Variants in ESRRG observed in about 807,000 individuals in gnomAD.
ESRRG encodes estrogen related receptor gamma.
A neutral mutation model predicts 44.0 loss-of-function variants in ESRRG; 13 were observed. That is an observed-to-expected ratio of 0.30 (90% CI 0.19 to 0.47). The LOEUF (loss-of-function observed/expected upper bound fraction) is 0.47, where lower values mean the gene tolerates loss of function less well. ESRRG is among the 20% of genes least tolerant of loss of function. The probability of loss-of-function intolerance (pLI) is 1.00; values close to 1 mark genes in which losing one functional copy is unlikely to be tolerated. For missense variants in ESRRG, 395 were observed against 580.6 expected (o/e 0.68, Z 3.29); for synonymous variants, 215 against 214.6 (o/e 1.00, Z -0.02).
chr1:216,842,650 A>G (rs1281331838), intron 2 of ESRRG, among the ~76,000 whole-genome samples: 1 of 152,212 alleles, frequency 6.6e-6, no homozygotes, highest in Non-Finnish European at 1.5e-5. Flanking sequence ...GTGGTATGTG[A>G]CATGCTTCTA....
At chr1:216,694,577 GAC>G (rs1320171056) in intron 1 of ESRRG, among the ~76,000 whole-genome samples, 2 of 147,650 alleles carry the variant, frequency 1.4e-5, no homozygotes, top group Non-Finnish European at 3.0e-5. Flanking sequence ...TTATTTTTTT[GAC>G]ACAGTCTCGA....
At chr1:216,634,683 G>C (rs1032389527) in intron 3 of ESRRG, among the ~76,000 whole-genome samples, 1 of 152,130 alleles carries the variant, frequency 6.6e-6, no homozygotes, top group Non-Finnish European at 1.5e-5. Context: ...GACTGCCCAG[G>C]GGGGACAGTC....
chr1:217,022,384 A>G (rs1429351145), intron 1 of ESRRG, among the ~76,000 whole-genome samples: 6 of 152,224 alleles, frequency 3.9e-5, no homozygotes, highest in African/African-American at 1.4e-4. Flanking sequence ...AGGGCCATTC[A>G]GAGAACTTGA....
Position 216,697,035 on chromosome 1 carries a change from G to A in ESRRG, c.57-19544C>T, listed in dbSNP as rs145313762. On this transcript the variant is annotated intron_variant, in intron 1 of 6. Coordinates refer to ENST00000408911, the MANE Select transcript of ESRRG (RefSeq NM_001438.4). ...GGCCAGAGTGCAGTGGCATGATCCT[G>A]GCTCACTGCAACATCCACCTCCCGG... Among the ~76,000 whole-genome samples the A allele has an allele frequency of 4.1e-3, 623 of 151,354 alleles. 10 individuals are homozygous for A. Among genetic ancestry groups the A allele is most frequent in the African/African-American group, 0.015 (601 of 41,224 alleles).
chr1:216,725,823 G>A (rs1383903708), upstream of ESRRG, among the ~76,000 whole-genome samples: 3 of 152,052 alleles, frequency 2.0e-5, no homozygotes, highest in South Asian at 2.1e-4. Flanking sequence ...ATTTTGCACC[G>A]GTGCAGAATC....
At chr1:216,937,829 C>T (rs753560329) in intron 2 of ESRRG, among the ~76,000 whole-genome samples, 1 of 152,092 alleles carries the variant, frequency 6.6e-6, no homozygotes, top group Non-Finnish European at 1.5e-5. Context: ...CAAAGCAAAC[C>T]TCACTTTTAC....
chr1:216,732,668 G>A (rs1330281902), intron 2 of ESRRG, among the ~76,000 whole-genome samples: 1 of 151,924 alleles, frequency 6.6e-6, no homozygotes, highest in African/African-American at 2.4e-5. Flanking sequence ...ACTGGGCATG[G>A]TGGCGTGCAC....
At chr1:216,998,289 C>T (rs2076614142) in intron 1 of ESRRG, among the ~76,000 whole-genome samples, 2 of 152,286 alleles carry the variant, frequency 1.3e-5, no homozygotes, top group South Asian at 4.2e-4. Context: ...TGATTCTCTA[C>T]TTCTTAAAGC....
intron 5 of ESRRG, among the ~76,000 whole-genome samples, chr1:216,539,381 A>G (rs1007139104): frequency 3.3e-5 from 5 of 151,968 alleles, no homozygotes; most frequent in African/African-American, 1.2e-4. Flanking sequence ...GTTGCTTAGT[A>G]TGGCCATTAA....
chr1:216,887,046 C>A lies in ESRRG; in HGVS notation c.-14+52536G>T, dbSNP rs180703664. On this transcript the variant is annotated intron_variant, in intron 2 of 7. Transcript: ENST00000359162. ...AGCCACGTCGCCCCGCCCCTTATAA[C>A]AACTGCTTTCATTCTTTGGGCAGTT... Among the ~76,000 whole-genome samples, 289 of 152,202 alleles carry A rather than the reference C, an allele frequency of 1.9e-3. 1 individual carries two copies. Among genetic ancestry groups the A allele is most frequent in the African/African-American group, 5.7e-3 (238 of 41,528 alleles).
chr1:216,953,936 A>C (rs1464920678), intron 1 of ESRRG, among the ~76,000 whole-genome samples: 1 of 152,076 alleles, frequency 6.6e-6, no homozygotes, highest in Admixed American at 6.6e-5. Flanking sequence ...AAAACATAAG[A>C]CTAGTAAGAA....
At chr1:216,884,195 A>G (rs1439811153) in intron 2 of ESRRG, among the ~76,000 whole-genome samples, 11 of 152,186 alleles carry the variant, frequency 7.2e-5, no homozygotes, top group Admixed American at 7.2e-4. Flanking sequence ...TTGGTTTTAC[A>G]CTGAAACATA....
chr1:216,836,852 G>A (rs898415479), intron 2 of ESRRG, among the ~76,000 whole-genome samples: 2 of 152,250 alleles, frequency 1.3e-5, no homozygotes, highest in South Asian at 4.1e-4. Flanking sequence ...GCTGAAATTG[G>A]TTTGAGTGGC....
intron 2 of ESRRG, among the ~76,000 whole-genome samples, chr1:216,748,317 T>G (rs942551995): frequency 1.3e-5 from 2 of 152,114 alleles, no homozygotes; most frequent in Admixed American, 6.5e-5. Context: ...GGGACCCCAT[T>G]TTTTTAATGC....
chr1:216,961,171 A>G (rs2068971049), intron 1 of ESRRG, among the ~76,000 whole-genome samples: 1 of 152,224 alleles, frequency 6.6e-6, no homozygotes, highest in Non-Finnish European at 1.5e-5. Context: ...CATGGGAACA[A>G]GATGAACTAT....
At chr1:216,609,315 A>C (rs1379343548) in intron 3 of ESRRG, among the ~76,000 whole-genome samples, 1 of 152,236 alleles carries the variant, frequency 6.6e-6, no homozygotes, top group Non-Finnish European at 1.5e-5. Context: ...CTAGCACAAT[A>C]CCTGGCATAT....
At chr1:217,134,670 T>C (rs568735507) in intron 1 of ESRRG, among the ~76,000 whole-genome samples, 19 of 152,242 alleles carry the variant, frequency 1.2e-4, no homozygotes, top group Non-Finnish European at 2.6e-4. Flanking sequence ...AAAGAGCGCC[T>C]GGCTGCGGCT....
chr1:217,028,064 G>A (rs1421732016), intron 1 of ESRRG, among the ~76,000 whole-genome samples: 1 of 152,090 alleles, frequency 6.6e-6, no homozygotes, highest in African/African-American at 2.4e-5. Context: ...CACAGATTTG[G>A]CCTTGCATTT....
intron 2 of ESRRG, among the ~76,000 whole-genome samples, chr1:216,757,553 T>C (rs974352500): frequency 6.6e-6 from 1 of 152,054 alleles, no homozygotes; most frequent in African/African-American, 2.4e-5. Flanking sequence ...AAGTGAGGCT[T>C]GTTTGAGATT....
Sources: allele counts gnomAD v4.1 joint callset (sites outside exome capture counted in the v4.1 genomes callset), GRCh38; gene constraint gnomAD v4.1.1; transcripts MANE v1.5; gene names NCBI Gene and HGNC (gene_info 2026-07-23, HGNC 2026-07-21).